Variants in GXYLT1 observed in about 807,000 individuals in gnomAD.
GXYLT1 encodes the protein glucoside xylosyltransferase 1, also known as glycosyltransferase 8 domain containing 3.
GXYLT1 carries 29 observed loss-of-function variants against 54.0 expected under a neutral mutation model. The observed-to-expected ratio is 0.54, with a 90% CI of 0.40 to 0.73. The LOEUF (loss-of-function observed/expected upper bound fraction) is 0.73. Ranked by LOEUF, GXYLT1 falls within the 30% of genes least tolerant of loss-of-function variation. GXYLT1 has a pLI of 0.00. For missense variants in GXYLT1, 490 were observed against 553.4 expected, an observed-to-expected ratio of 0.89 and a Z score of 1.15; for synonymous variants, 176 against 204.1, an observed-to-expected ratio of 0.86 and a Z score of 1.17.
intron 3 of GXYLT1, among the ~76,000 whole-genome samples, chr12:42,118,669 T>C (rs1278691848): frequency 3.3e-5 from 5 of 152,232 alleles, no homozygotes; most frequent in Non-Finnish European, 5.9e-5. Flanking sequence ...GACTCGATCA[T>C]GGGGGCCGTT....
At chr12:42,123,750 A>C (rs968161877) in intron 2 of GXYLT1, among the ~76,000 whole-genome samples, 20 of 152,118 alleles carry the variant, frequency 1.3e-4, no homozygotes, top group African/African-American at 4.3e-4. Flanking sequence ...AAGTATATAA[A>C]GTCAAATTAA....
intron 2 of GXYLT1, among the ~76,000 whole-genome samples, chr12:42,129,006 GTAAA>G (rs1177978443): frequency 6.6e-6 from 1 of 152,110 alleles, no homozygotes; most frequent in Non-Finnish European, 1.5e-5. Context: ...TAAAGACGCA[GTAAA>G]TAGATACTCT....
intron 3 of GXYLT1, among the ~76,000 whole-genome samples, chr12:42,111,965 C>T (rs2065459667): frequency 1.3e-5 from 2 of 152,198 alleles, no homozygotes; most frequent in South Asian, 4.1e-4. Flanking sequence ...CAGGCAGCAG[C>T]ATTTGCGGTT....
chr12:42,113,893 A>G (rs1411163214), intron 3 of GXYLT1, among the ~76,000 whole-genome samples: 1 of 151,338 alleles, frequency 6.6e-6, no homozygotes, highest in East Asian at 1.9e-4. Context: ...AGCATTCCTC[A>G]GCAAATGTAA....
intron 3 of GXYLT1, among the ~76,000 whole-genome samples, chr12:42,111,922 A>ACTC (rs2065459439): frequency 6.6e-6 from 1 of 152,086 alleles, no homozygotes; most frequent in Non-Finnish European, 1.5e-5. Flanking sequence ...ACAGCCAGGT[A>ACTC]CTCCTCTGAG....
intron 1 of GXYLT1, among the ~76,000 whole-genome samples, chr12:42,140,704 A>G (rs1439798846): frequency 1.3e-5 from 2 of 152,184 alleles, no homozygotes; most frequent in Non-Finnish European, 2.9e-5. Context: ...TCTAAAAAAG[A>G]AAGTGAAATA....
rs186766769 is a variant in GXYLT1, at chr12:42,129,703, T to C, written c.314+56A>G. ...TTACATCCTATTACAAAGGTTTTATTATCAACTATCTAACCTTATCTACAC... is the reference window on the plus strand; with the variant it reads ...TTACATCCTATTACAAAGGTTTTATCATCAACTATCTAACCTTATCTACAC... On this transcript the variant is annotated intron_variant, in intron 2 of 7. Transcript: ENST00000398675. 1.9e-3 allele frequency: 1,961 copies of C among 1,030,726 alleles called. 8 individuals carry two copies. The highest frequency in any genetic ancestry group is 6.2e-3 in the Middle Eastern group (30 of 4,874). The allele number at this position is 1,030,726 out of a possible 1,614,324, so 63.8% of individuals were successfully genotyped here.
intron 2 of GXYLT1, among the ~76,000 whole-genome samples, chr12:42,122,957 C>A (rs1218149693): frequency 6.6e-6 from 1 of 152,112 alleles, no homozygotes; most frequent in Non-Finnish European, 1.5e-5. Flanking sequence ...ATATCCCATG[C>A]AGTAATCCTG....
At chr12:42,098,784 T>TATATATATATATATATATAA (rs1017764424) in intron 5 of GXYLT1, among the ~76,000 whole-genome samples, 103 of 134,390 alleles carry the variant, frequency 7.7e-4, no homozygotes, top group Non-Finnish European at 1.3e-3. Context: ...TATATATATA[T>TATATATATATATATATATAA]AATACATGTG....
At chr12:42,116,541 T>A (rs2065496613) in intron 3 of GXYLT1, among the ~76,000 whole-genome samples, 1 of 152,220 alleles carries the variant, frequency 6.6e-6, no homozygotes, top group Admixed American at 6.5e-5. Flanking sequence ...TCACCATCAC[T>A]GGCCATCAGA....
At chr12:42,134,023 C>T (rs979944354) in intron 1 of GXYLT1, among the ~76,000 whole-genome samples, 2 of 151,862 alleles carry the variant, frequency 1.3e-5, no homozygotes, top group Admixed American at 1.3e-4. Flanking sequence ...ATGGCAAAAC[C>T]CCATCTCTAC....
At chr12:42,118,650 G>C (rs988744941) in intron 3 of GXYLT1, among the ~76,000 whole-genome samples, 8 of 152,230 alleles carry the variant, frequency 5.3e-5, no homozygotes, top group African/African-American at 1.9e-4. Flanking sequence ...GAGGGACCTA[G>C]TGGGAGATGA....
At chr12:42,109,712 A>C (rs1410298228) in intron 3 of GXYLT1, 21 bp from the exon 4 acceptor site, 1 of 1,432,324 alleles carries the variant, frequency 7.0e-7, no homozygotes, top group Non-Finnish European at 9.6e-7. Flanking sequence ...TTAAAAAAAA[A>C]CTGTTTAGTT....
At chr12:42,103,452 G>A (rs2065401847) in intron 5 of GXYLT1, among the ~76,000 whole-genome samples, 1 of 152,134 alleles carries the variant, frequency 6.6e-6, no homozygotes, top group South Asian at 2.1e-4. Context: ...TTTGGAAAGT[G>A]ATTATAAGTA....
In GXYLT1 at chr12:42,106,092, G is replaced by A. The variant is rs751962194; in HGVS notation, c.613-23C>T. ...TAACTACAAGGAGAGATATTTGAATGATTAACTATAATTCTATTTTAAAAA... is the reference window on the plus strand; with the variant it reads ...TAACTACAAGGAGAGATATTTGAATAATTAACTATAATTCTATTTTAAAAA... On this transcript the variant is annotated intron_variant, in intron 4 of 7. Coordinates refer to ENST00000398675, the MANE Select transcript of GXYLT1 (RefSeq NM_173601.2). 3.4e-6 allele frequency: 5 copies of A among 1,462,904 alleles called. No homozygotes were observed. In the South Asian group the frequency reaches 5.1e-5, roughly 15 times the overall value. The allele number at this position is 1,462,904 out of a possible 1,614,324, so 90.6% of individuals were successfully genotyped here.
chr12:42,082,802 A>G lies in GXYLT1; in HGVS notation c.*4984T>C, dbSNP rs1435605783. The stretch of plus-strand genomic sequence containing the variant: ...GCCAATTTACTTTTTAATAGAATAT[A>G]CACTGTTGAATTCTATCTTCATGAT... On this transcript the variant is annotated 3_prime_UTR_variant, in exon 8 of 8. Coordinates refer to ENST00000398675, the MANE Select transcript of GXYLT1 (RefSeq NM_173601.2). The G allele has an allele frequency of 1.3e-5, 2 of 152,186 alleles. No homozygotes were observed. Among genetic ancestry groups the G allele is most frequent in the African/African-American group, 4.8e-5 (2 of 41,440 alleles). The allele number at this position is 152,186 out of a possible 1,614,324, so 9.4% of individuals were successfully genotyped here. A position where few individuals can be genotyped will look rare whatever the true frequency, so the allele number is the denominator to read the frequency against.
intron 5 of GXYLT1, among the ~76,000 whole-genome samples, chr12:42,105,408 T>C (rs1047715554): frequency 2.0e-5 from 3 of 152,216 alleles, no homozygotes; most frequent in Non-Finnish European, 4.4e-5. Context: ...CATTTCCATT[T>C]TACGGGTGAG....
rs2065258789 is a variant in GXYLT1 at position 42,082,326 on chromosome 12, T to C, written c.*5460A>G. The C allele has an allele frequency of 6.6e-6, 1 of 152,254 alleles. No individual in the cohort carries two copies. Among genetic ancestry groups the C allele is most frequent in the Non-Finnish European group, 1.5e-5 (1 of 68,052 alleles). 9.4% of individuals were successfully genotyped at this position (152,254 alleles called of 1,614,324 possible). A position where few individuals can be genotyped will look rare whatever the true frequency, so the allele number is the denominator to read the frequency against. Reference sequence around the variant, plus strand: ...CAAATACTGATGACAATGCATGTGATGCATGCGTGCTCTGCTAAGTTTTGA... The same window carrying C: ...CAAATACTGATGACAATGCATGTGACGCATGCGTGCTCTGCTAAGTTTTGA... On this transcript the variant is annotated 3_prime_UTR_variant, in exon 8 of 8. Transcript: ENST00000398675.
Position 42,087,955 on chromosome 12 carries a change from A to G in GXYLT1, c.1162-8T>C. 6.9e-7 allele frequency: 1 copy of G among 1,453,694 alleles called. No homozygotes were observed. The highest frequency in any genetic ancestry group is 9.3e-7 in the Non-Finnish European group (1 of 1,079,308). 90.0% of individuals were successfully genotyped at this position (1,453,694 alleles called of 1,614,324 possible). ...GTCATCTTCAAAAGAACACTAGAGA[A>G]AGAAAATTTTAAAAAATAAAAAATT... On this transcript the variant is annotated splice_polypyrimidine_tract_variant and splice_region_variant and intron_variant, in intron 7 of 7. Coordinates refer to ENST00000398675, the MANE Select transcript of GXYLT1 (RefSeq NM_173601.2).
Sources: gnomAD v4.1 joint callset for allele counts (sites outside exome capture counted in the v4.1 genomes callset) on GRCh38, gnomAD v4.1.1 for gene constraint, MANE v1.5 for transcripts, NCBI Gene and HGNC (gene_info 2026-07-23, HGNC 2026-07-21) for gene names.